NCOA2: variants seen among roughly 807,000 people sequenced by gnomAD.
NCOA2 encodes nuclear receptor coactivator 2.
Under a neutral mutation model 145.1 loss-of-function variants are expected in NCOA2, and 21 were observed. The observed-to-expected ratio is 0.14, with a 90% CI of 0.10 to 0.21. The LOEUF (loss-of-function observed/expected upper bound fraction) is 0.21, where lower values mean the gene tolerates loss of function less well. Among genes scored for constraint, NCOA2 ranks in the 10% least tolerant of loss-of-function variants. NCOA2 has a pLI of 1.00. For synonymous variants in NCOA2, 619 were observed against 637.5 expected (o/e 0.97, Z 0.44); for missense variants, 1,472 against 1,837.6 (o/e 0.80, Z 3.64).
At chr8:70,248,230 C>T (rs1450295767) in intron 2 of NCOA2, among the ~76,000 whole-genome samples, 1 of 152,134 alleles carries the variant, frequency 6.6e-6, no homozygotes, top group Non-Finnish European at 1.5e-5. Context: ...GTACAATTTA[C>T]ATTCAGTGCC....
intron 2 of NCOA2, among the ~76,000 whole-genome samples, chr8:70,255,641 G>GT (rs1823576695): frequency 6.6e-6 from 1 of 152,112 alleles, no homozygotes; most frequent in African/African-American, 2.4e-5. Context: ...ATATGCTGTG[G>GT]TTACCTCCTC....
chr8:70,276,558 G>A (rs1228385201), intron 2 of NCOA2, among the ~76,000 whole-genome samples: 1 of 152,092 alleles, frequency 6.6e-6, no homozygotes, highest in Non-Finnish European at 1.5e-5. Flanking sequence ...CTATTTTTGT[G>A]ATAGTACGTT....
chr8:70,147,739 T>A (rs527443179), intron 12 of NCOA2, among the ~76,000 whole-genome samples: 1 of 152,214 alleles, frequency 6.6e-6, no homozygotes, highest in Non-Finnish European at 1.5e-5. Flanking sequence ...TGAAGATTCC[T>A]GAGACAGGGC....
the NCOA2 span, among the ~76,000 whole-genome samples, chr8:70,442,144 A>AAAGG: frequency 1.6e-4 from 21 of 128,492 alleles, no homozygotes; most frequent in African/African-American, 6.2e-4. Flanking sequence ...AGAAAGAAAG[A>AAAGG]AAGAAAGAAA....
intron 1 of NCOA2, among the ~76,000 whole-genome samples, chr8:70,393,465 A>G (rs1422291942): frequency 6.6e-6 from 1 of 151,960 alleles, no homozygotes; most frequent in Non-Finnish European, 1.5e-5. Flanking sequence ...CTACCTACCA[A>G]AGGCTCCCTC....
intron 4 of NCOA2, among the ~76,000 whole-genome samples, chr8:70,187,367 G>GA (rs1302104791): frequency 2.0e-5 from 3 of 151,948 alleles, no homozygotes; most frequent in East Asian, 1.9e-4. Flanking sequence ...AACCTGAGGG[G>GA]AAAAAATGGT....
intron 1 of NCOA2, among the ~76,000 whole-genome samples, chr8:70,354,552 AC>A (rs1809514063): frequency 6.6e-6 from 1 of 152,228 alleles, no homozygotes; most frequent in African/African-American, 2.4e-5. Context: ...TGAAACTCAT[AC>A]AAAAATTTGA....
intron 1 of NCOA2, among the ~76,000 whole-genome samples, chr8:70,317,785 C>T (rs1318154592): frequency 6.6e-6 from 1 of 152,104 alleles, no homozygotes; most frequent in Non-Finnish European, 1.5e-5. Flanking sequence ...TTCAGGCCAG[C>T]ACAGTGGCTC....
At position 70,112,265 on chromosome 8, in the gene NCOA2, C is replaced by T; in HGVS notation, c.*1367G>A. 1 of 198,346 alleles carries T rather than the reference C, an allele frequency of 5.0e-6. No individual in the cohort carries two copies. The highest frequency in any genetic ancestry group is 1.0e-5 in the Non-Finnish European group (1 of 95,680). The allele number at this position is 198,346 out of a possible 1,614,324, so 12.3% of individuals were successfully genotyped here. On this transcript the variant is annotated 3_prime_UTR_variant, in exon 23 of 23. Coordinates refer to ENST00000452400, the MANE Select transcript of NCOA2 (RefSeq NM_006540.4). ...TCCTTTACAAAACACCTTTAGGAGA[C>T]ATTGCTATGAAGATATCTAATTTAA...
intron 1 of NCOA2, among the ~76,000 whole-genome samples, chr8:70,358,851 G>A (rs146749836): frequency 7.5e-4 from 114 of 152,242 alleles, no homozygotes; most frequent in Non-Finnish European, 1.4e-3. Flanking sequence ...TAAGGGTCTA[G>A]TATCTAAAAT....
the NCOA2 span, among the ~76,000 whole-genome samples, chr8:70,425,790 T>C: frequency 0.021 from 3,214 of 152,134 alleles, 118 homozygotes; most frequent in African/African-American, 0.073. Flanking sequence ...GCAAACCCCA[T>C]ACCCTCCCCA....
the NCOA2 span, among the ~76,000 whole-genome samples, chr8:70,426,202 T>A: frequency 3.9e-5 from 6 of 152,212 alleles, no homozygotes; most frequent in African/African-American, 1.4e-4. Context: ...CCATTACAAC[T>A]GATAATCTAA....
At chr8:70,410,863 G>A in the NCOA2 span, among the ~76,000 whole-genome samples, 1 of 152,208 alleles carries the variant, frequency 6.6e-6, no homozygotes, top group Non-Finnish European at 1.5e-5. Flanking sequence ...CAAAATGAAT[G>A]TATAATGATG....
chr8:70,417,417 T>G, the NCOA2 span, among the ~76,000 whole-genome samples: 1 of 151,708 alleles, frequency 6.6e-6, no homozygotes, highest in African/African-American at 2.4e-5. Context: ...GGCATGGTGG[T>G]GGGCGCCTGT....
chr8:70,238,067 T>A (rs570720715), intron 2 of NCOA2, among the ~76,000 whole-genome samples: 1 of 152,138 alleles, frequency 6.6e-6, no homozygotes, highest in Non-Finnish European at 1.5e-5. Flanking sequence ...GTGATTAAGA[T>A]AGAAATATGA....
intron 2 of NCOA2, among the ~76,000 whole-genome samples, chr8:70,252,202 CTAAG>C (rs1326854299): frequency 6.6e-6 from 1 of 152,134 alleles, no homozygotes; most frequent in Non-Finnish European, 1.5e-5. Flanking sequence ...CATTTACGTA[CTAAG>C]TAAGGAGAAT....
At position 70,159,421 on chromosome 8, in the gene NCOA2, T is replaced by A. The variant is rs886863564; in HGVS notation, c.1124+84A>T. The A allele has an allele frequency of 4.7e-6, 6 of 1,263,192 alleles. No homozygotes were observed. The African/African-American group carries it at 7.4e-5, about 16-fold the overall frequency. The allele number at this position is 1,263,192 out of a possible 1,614,324, so 78.2% of individuals were successfully genotyped here. A position where few individuals can be genotyped will look rare whatever the true frequency, so the allele number is the denominator to read the frequency against. Reference sequence around the variant, plus strand: ...ATGAGAAGAAATGTCTAACAAATCCTCAAAGCTCTAAAATAATTTGCTGCT... The same window carrying A: ...ATGAGAAGAAATGTCTAACAAATCCACAAAGCTCTAAAATAATTTGCTGCT... On this transcript the variant is annotated intron_variant, in intron 10 of 22. Transcript: ENST00000452400.
At chr8:70,408,909 A>G in the NCOA2 span, among the ~76,000 whole-genome samples, 14 of 151,626 alleles carry the variant, frequency 9.2e-5, no homozygotes, top group Middle Eastern at 3.4e-3. Flanking sequence ...ATTACGGCAT[A>G]AGCCATCATG....
chr8:70,119,386 G>T (rs1309773080), intron 22 of NCOA2, among the ~76,000 whole-genome samples: 1 of 152,180 alleles, frequency 6.6e-6, no homozygotes, highest in Non-Finnish European at 1.5e-5. Flanking sequence ...CAAATGACAT[G>T]ATTTCATTTT....
Sources: gnomAD v4.1 joint callset for allele counts (sites outside exome capture counted in the v4.1 genomes callset) on GRCh38, gnomAD v4.1.1 for gene constraint, MANE v1.5 for transcripts, NCBI Gene and HGNC (gene_info 2026-07-23, HGNC 2026-07-21) for gene names.